Variants in CPS1 observed in about 807,000 individuals in gnomAD.
CPS1 encodes the protein carbamoyl-phosphate synthase [ammonia], mitochondrial.
In CPS1, 109 loss-of-function variants were observed where a neutral mutation model predicts 174.6. That is an observed-to-expected ratio of 0.62 (90% CI 0.53 to 0.73). CPS1 has a LOEUF of 0.73. Among genes scored for constraint, CPS1 ranks in the 30% least tolerant of loss-of-function variants. The pLI, the probability that CPS1 is intolerant of heterozygous loss-of-function variation, is 0.00. For synonymous variants in CPS1, 637 were observed against 632.0 expected (o/e 1.01, Z -0.12); for missense variants, 1,689 against 1,821.9 (o/e 0.93, Z 1.33).
chr2:210,552,477 C>T (rs1294814407), upstream of CPS1, among the ~76,000 whole-genome samples: 2 of 152,008 alleles, frequency 1.3e-5, no homozygotes, highest in Non-Finnish European at 2.9e-5. Flanking sequence ...TTGATAGATG[C>T]ACCAACTTCT....
chr2:210,532,907 C>G (rs570169131), intron 1 of CPS1, among the ~76,000 whole-genome samples: 1 of 152,210 alleles, frequency 6.6e-6, no homozygotes, highest in African/African-American at 2.4e-5. Context: ...TTATGATTGA[C>G]CGGGTCTCCT....
At chr2:210,637,453 C>T (rs572206597) in intron 21 of CPS1, among the ~76,000 whole-genome samples, 1 of 152,078 alleles carries the variant, frequency 6.6e-6, no homozygotes, top group Admixed American at 6.6e-5. Flanking sequence ...TTTATAAAAG[C>T]AGCAGGGAAG....
chr2:210,624,501 C>T (rs1197639838), intron 21 of CPS1, among the ~76,000 whole-genome samples: 1 of 151,926 alleles, frequency 6.6e-6, no homozygotes, highest in Non-Finnish European at 1.5e-5. Context: ...AGAGTAATAC[C>T]ATGGGAAATT....
chr2:210,537,881 TTAGA>T (rs1172216857), intron 1 of CPS1, among the ~76,000 whole-genome samples: 1 of 152,202 alleles, frequency 6.6e-6, no homozygotes, highest in Non-Finnish European at 1.5e-5. Context: ...CAACACTGTA[TTAGA>T]TAGAACTACA....
intron 25 of CPS1, among the ~76,000 whole-genome samples, chr2:210,643,623 G>A (rs1025749260): frequency 3.9e-5 from 6 of 152,046 alleles, no homozygotes; most frequent in Non-Finnish European, 5.9e-5. Flanking sequence ...GTTTATGGCC[G>A]AAGTCAGATT....
In CPS1 at chr2:210,605,237, G is replaced by A. The variant is rs769085115; in HGVS notation, c.1972G>A (p.Val658Ile). 1.2e-6 allele frequency: 2 copies of A among 1,611,900 alleles called. No individual in the cohort carries two copies. Among genetic ancestry groups the A allele is most frequent in the Non-Finnish European group, 1.7e-6 (2 of 1,178,568 alleles). Residue 658 changes from valine to isoleucine, a missense_variant, in exon 17 of 38, where the codon GTT (valine) becomes ATT (isoleucine). Val to Ile is a conservative substitution (Grantham distance 29). Coordinates refer to ENST00000233072, the MANE Select transcript of CPS1 (RefSeq NM_001875.5). ...CNMENVDAMG[V>I]HTGDSVVVAP... ...CATGGAAAATGTTGATGCCATGGGT[G>A]TTCACACAGGTAGGCAAAGTATCTT...
intron 5 of CPS1, among the ~76,000 whole-genome samples, chr2:210,581,294 C>T (rs1306992321): frequency 2.0e-5 from 3 of 152,104 alleles, no homozygotes; most frequent in African/African-American, 7.2e-5. Context: ...CTTTACAAGA[C>T]CGCACTTGTC....
chr2:210,585,677 C>A (rs1698085078), intron 6 of CPS1, among the ~76,000 whole-genome samples: 1 of 151,254 alleles, frequency 6.6e-6, no homozygotes, highest in African/African-American at 2.5e-5. Context: ...AGTTATGCAA[C>A]TAACAGTTAT....
chr2:210,608,831 T>C (rs918303618), intron 19 of CPS1, among the ~76,000 whole-genome samples: 2 of 151,938 alleles, frequency 1.3e-5, no homozygotes, highest in Non-Finnish European at 2.9e-5. Context: ...TCTGGCTATA[T>C]AGTATAGATA....
intron 1 of CPS1, among the ~76,000 whole-genome samples, chr2:210,489,183 G>A (rs1338262777): frequency 2.0e-5 from 3 of 152,168 alleles, no homozygotes; most frequent in South Asian, 4.1e-4. Context: ...GAAATCTCGA[G>A]TTTAATTTAC....
chr2:210,632,002 A>T (rs1207040318), intron 21 of CPS1, among the ~76,000 whole-genome samples: 1 of 152,248 alleles, frequency 6.6e-6, no homozygotes, highest in African/African-American at 2.4e-5. Flanking sequence ...TTTACAACAT[A>T]ATATAAATGG....
rs749841352 is a variant in CPS1 at position 210,503,666 on chromosome 2, T to C, written c.3+25900T>C. On this transcript the variant is annotated intron_variant, in intron 1 of 38. Coordinates refer to the CPS1 transcript ENST00000430249. ...AAAAATTTTAGGAATCCAAAAACGA[T>C]ACCTACACAATATTCTTAGAAGGGT... 3.9e-5 allele frequency among the ~76,000 whole-genome samples: 6 copies of C among 152,198 alleles called. 1 individual carries two copies. The highest frequency in any genetic ancestry group is 7.4e-5 in the Non-Finnish European group (5 of 68,012).
intron 1 of CPS1, among the ~76,000 whole-genome samples, chr2:210,484,809 C>T (rs1694671531): frequency 6.6e-6 from 1 of 152,216 alleles, no homozygotes; most frequent in Non-Finnish European, 1.5e-5. Context: ...AGACTGATTT[C>T]CCATCTCTTT....
At chr2:210,537,508 A>G (rs1026509093) in intron 1 of CPS1, among the ~76,000 whole-genome samples, 2 of 152,226 alleles carry the variant, frequency 1.3e-5, no homozygotes, top group Admixed American at 6.5e-5. Flanking sequence ...CCTCTGAAGT[A>G]TTAAGCACTG....
chr2:210,674,155 A>G (rs1200494537), intron 34 of CPS1: 1 of 152,220 alleles, frequency 6.6e-6, no homozygotes, highest in Non-Finnish European at 1.5e-5. Context: ...ATTGAAGAGC[A>G]GTACAAAATT....
intron 1 of CPS1, among the ~76,000 whole-genome samples, chr2:210,529,117 A>T (rs955749002): frequency 1.3e-5 from 2 of 151,904 alleles, no homozygotes. Context: ...TAGTGTTAGG[A>T]TAATCATGAG....
rs1574577584 is a variant in CPS1, at chr2:210,602,261, C to A, written c.1767C>A (p.Ala589=). ...TIGYPVMIRS[A]YALGGLGSGI... is the part of the protein sequence containing the mutation. ...GCTACCCAGTGATGATCCGTTCCGC[C>A]TATGCACTGGGTGGGTTAGGCTCAG... Residue 589 remains alanine (A), a synonymous_variant, in exon 16 of 38, where the codon GCC becomes GCA. Transcript: ENST00000233072. The A allele has an allele frequency of 1.9e-6, 3 of 1,612,434 alleles. No homozygotes were observed. Among genetic ancestry groups the A allele is most frequent in the Non-Finnish European group, 2.5e-6 (3 of 1,179,104 alleles).
intron 19 of CPS1, 91 bp downstream of exon 19, chr2:210,608,650 A>G (rs1699009231): frequency 2.5e-6 from 3 of 1,212,274 alleles, no homozygotes; most frequent in South Asian, 1.2e-5. Context: ...TTGCCTGGAT[A>G]CCATCAACAC....
intron 1 of CPS1, among the ~76,000 whole-genome samples, chr2:210,494,549 G>GGGCCCT (rs1414225022): frequency 6.6e-6 from 1 of 152,160 alleles, no homozygotes; most frequent in Non-Finnish European, 1.5e-5. Flanking sequence ...CTATTGTCAA[G>GGGCCCT]ATTTGTGTGG....
Sources: allele counts gnomAD v4.1 joint callset (sites outside exome capture counted in the v4.1 genomes callset), GRCh38; gene constraint gnomAD v4.1.1; transcripts MANE v1.5; gene names NCBI Gene and HGNC (gene_info 2026-07-23, HGNC 2026-07-21).